The following KATNA1 variants were observed in gnomAD, a reference collection of about 807,000 sequenced individuals.
KATNA1 encodes the protein katanin p60 ATPase-containing subunit A1.
KATNA1 carries 42 observed loss-of-function variants against 62.6 expected under a neutral mutation model. The observed-to-expected ratio is 0.67, with a 90% CI of 0.52 to 0.87. KATNA1 has a LOEUF of 0.87. Among genes scored for constraint, KATNA1 ranks in the 40% least tolerant of loss-of-function variants. KATNA1 has a pLI of 0.00. For missense variants in KATNA1, 498 were observed against 612.5 expected (o/e 0.81, Z 1.97); for synonymous variants, 186 against 201.9 (o/e 0.92, Z 0.67).
intron 7 of KATNA1, among the ~76,000 whole-genome samples, chr6:149,599,134 G>A (rs1014771989): frequency 6.6e-6 from 1 of 152,006 alleles, no homozygotes; most frequent in Non-Finnish European, 1.5e-5. Flanking sequence ...CAAAATGCTA[G>A]GATTACAATG....
At chr6:149,607,075 T>C (rs989562051) in intron 4 of KATNA1, among the ~76,000 whole-genome samples, 2 of 152,230 alleles carry the variant, frequency 1.3e-5, no homozygotes, top group East Asian at 1.9e-4. Context: ...CAGGAACATA[T>C]ACTGTAAGCC....
chr6:149,597,046 T>C lies in KATNA1; in HGVS notation c.1277+17A>G. On this transcript the variant is annotated intron_variant, in intron 10 of 10. Coordinates refer to ENST00000367411, the MANE Select transcript of KATNA1 (RefSeq NM_007044.4). Reference sequence around the variant, plus strand: ...GTTTATGCTTACAAAAACCTATGCTTCCATGATAATTCATACCTGCACACG... The same window carrying C: ...GTTTATGCTTACAAAAACCTATGCTCCCATGATAATTCATACCTGCACACG... 4 of 1,609,224 alleles carry C rather than the reference T, an allele frequency of 2.5e-6. No homozygotes were observed. The highest frequency in any genetic ancestry group is 3.4e-6 in the Non-Finnish European group (4 of 1,178,656).
At chr6:149,634,282 A>AC (rs1432272055) in intron 2 of KATNA1, among the ~76,000 whole-genome samples, 6 of 149,068 alleles carry the variant, frequency 4.0e-5, no homozygotes, top group African/African-American at 1.5e-4. Context: ...CAAAAAAATA[A>AC]AATAAAATAA....
At chr6:149,631,316 T>A (rs1045885404) in intron 3 of KATNA1, 2 of 152,152 alleles carry the variant, frequency 1.3e-5, no homozygotes, top group African/African-American at 4.8e-5. Context: ...GGAGAATTGC[T>A]TGAACTCAGG....
At chr6:149,632,646 G>C in intron 3 of KATNA1, 113 bp downstream of exon 3, 1 of 832,722 alleles carries the variant, frequency 1.2e-6, no homozygotes, top group South Asian at 2.0e-5. Context: ...AGAACGTTCA[G>C]TAAAGAAAAC....
At chr6:149,596,392 A>G (rs9322192) in intron 10 of KATNA1, among the ~76,000 whole-genome samples, 80,166 of 151,858 alleles carry the variant, frequency 0.53, 24,417 homozygotes, top group East Asian at 0.83. Context: ...AAAATTAGCC[A>G]GGTGTGGTGG....
rs1582817007 is a variant in KATNA1, at chr6:149,644,696, T to A, written c.-14+3773A>T. On this transcript the variant is annotated intron_variant, in intron 1 of 10. Transcript: ENST00000367411. ...TTATATATAGGTGGTCCTCGTTTTTTTCTTGAGGGCCATGATTCAACGGCC... is the reference window on the plus strand; with the variant it reads ...TTATATATAGGTGGTCCTCGTTTTTATCTTGAGGGCCATGATTCAACGGCC... Among the ~76,000 whole-genome samples, 5 of 152,322 alleles carry A rather than the reference T, an allele frequency of 3.3e-5. No homozygotes were observed. The East Asian group carries it at 9.6e-4, about 29-fold the overall frequency.
intron 6 of KATNA1, 177 bp from the exon 7 acceptor site, chr6:149,601,929 G>A: frequency 2.2e-6 from 1 of 455,256 alleles, no homozygotes; most frequent in Non-Finnish European, 3.7e-6. Context: ...CGTTAAAAAA[G>A]AAGATAACCA....
At chr6:149,626,300 T>G (rs1409783568) in intron 3 of KATNA1, among the ~76,000 whole-genome samples, 1 of 123,016 alleles carries the variant, frequency 8.1e-6, no homozygotes, top group African/African-American at 3.3e-5. Context: ...TACTTTTTTT[T>G]TTTTTTTTTT....
chr6:149,633,512 CTT>C (rs1779935897), intron 2 of KATNA1, among the ~76,000 whole-genome samples: 1 of 151,960 alleles, frequency 6.6e-6, no homozygotes, highest in Non-Finnish European at 1.5e-5. Context: ...AGATGGATCA[CTT>C]GAGCTCAGGA....
intron 7 of KATNA1, among the ~76,000 whole-genome samples, chr6:149,600,734 A>C (rs1408653669): frequency 6.6e-6 from 1 of 150,532 alleles, no homozygotes; most frequent in African/African-American, 2.4e-5. Context: ...CCAGGAGTTC[A>C]AGATCAGCCT....
At chr6:149,612,693 T>C (rs1779006913) in intron 4 of KATNA1, among the ~76,000 whole-genome samples, 1 of 152,012 alleles carries the variant, frequency 6.6e-6, no homozygotes, top group Non-Finnish European at 1.5e-5. Flanking sequence ...AATATACAGA[T>C]GCAAAAATTG....
At chr6:149,625,033 T>C (rs1779553387) in intron 3 of KATNA1, among the ~76,000 whole-genome samples, 1 of 151,870 alleles carries the variant, frequency 6.6e-6, no homozygotes, top group African/African-American at 2.4e-5. Context: ...GCTTAATCCA[T>C]GTAAAGGATA....
chr6:149,613,320 C>G lies in KATNA1; in HGVS notation c.502-8538G>C, dbSNP rs79840498. ...ATCAGGAACAGGAACACAGCAAGGA[C>G]ATCTACTTTGTCACTCTTAAATATT... On this transcript the variant is annotated intron_variant, in intron 4 of 10. Transcript: ENST00000367411. 3.9e-3 allele frequency among the ~76,000 whole-genome samples: 585 copies of G among 149,170 alleles called. 4 individuals carry two copies. The highest frequency in any genetic ancestry group is 0.014 in the African/African-American group (558 of 40,748).
chr6:149,605,814 G>A (rs904306342), intron 4 of KATNA1, among the ~76,000 whole-genome samples: 4 of 151,932 alleles, frequency 2.6e-5, no homozygotes, highest in Non-Finnish European at 4.4e-5. Context: ...TGTCGCCCAG[G>A]CTAGAGTGTA....
At chr6:149,597,709 T>C (rs1778382539) in intron 8 of KATNA1, 68 bp from the exon 9 acceptor site, 5 of 1,457,052 alleles carry the variant, frequency 3.4e-6, no homozygotes, top group Non-Finnish European at 4.7e-6. Context: ...AGCTCAGCTA[T>C]TTAAAGATCA....
chr6:149,609,802 C>CAAAAAAAAAAAAAAAAAAAAAA (rs1169018343), intron 4 of KATNA1, among the ~76,000 whole-genome samples: 7 of 64,524 alleles, frequency 1.1e-4, no homozygotes, highest in East Asian at 1.1e-3. Flanking sequence ...GACTCCATCT[C>CAAAAAAAAAAAAAAAAAAAAAA]AAAAAAAAAA....
intron 3 of KATNA1, 111 bp from the exon 4 acceptor site, chr6:149,623,394 C>T (rs1582787315): frequency 1.6e-5 from 11 of 688,152 alleles, no homozygotes; most frequent in East Asian, 1.1e-4. Flanking sequence ...AACAACTGAA[C>T]ACAAGACACG....
intron 1 of KATNA1, among the ~76,000 whole-genome samples, chr6:149,640,538 G>T (rs954019871): frequency 7.9e-5 from 12 of 151,836 alleles, no homozygotes; most frequent in South Asian, 6.2e-4. Context: ...GTTTTTTTGG[G>T]TTTTTTTGGG....
Sources: gnomAD v4.1 joint callset for allele counts (sites outside exome capture counted in the v4.1 genomes callset) on GRCh38, gnomAD v4.1.1 for gene constraint, MANE v1.5 for transcripts, NCBI Gene and HGNC (gene_info 2026-07-23, HGNC 2026-07-21) for gene names.